The following FEZ1 variants were observed in gnomAD, a reference collection of about 807,000 sequenced individuals.
FEZ1 encodes the protein fasciculation and elongation protein zeta-1.
In FEZ1, 20 loss-of-function variants were observed where a neutral mutation model predicts 49.3. The ratio of observed to expected loss-of-function variants is 0.41; its 90% CI spans 0.29 to 0.59. FEZ1 has a LOEUF of 0.59. Among genes scored for constraint, FEZ1 ranks in the 20% least tolerant of loss-of-function variants. FEZ1 has a pLI of 0.36. For missense variants in FEZ1, 413 were observed against 476.0 expected, an observed-to-expected ratio of 0.87 and a Z score of 1.23; for synonymous variants, 170 against 180.9, an observed-to-expected ratio of 0.94 and a Z score of 0.48.
chr11:125,484,633 A>G (rs1287153602), intron 2 of FEZ1, among the ~76,000 whole-genome samples: 1 of 150,118 alleles, frequency 6.7e-6, no homozygotes, highest in Non-Finnish European at 1.5e-5. Context: ...GCGCCATTGC[A>G]CTCCATCCTG....
At chr11:125,467,286 C>CTGTAA (rs1296248504) in intron 3 of FEZ1, among the ~76,000 whole-genome samples, 7 of 152,130 alleles carry the variant, frequency 4.6e-5, no homozygotes, top group Admixed American at 4.6e-4. Flanking sequence ...TCAAGCAATC[C>CTGTAA]TCCCACCTCA....
chr11:125,473,205 T>TAG (rs1175364701), intron 3 of FEZ1, among the ~76,000 whole-genome samples: 1 of 152,116 alleles, frequency 6.6e-6, no homozygotes, highest in African/African-American at 2.4e-5. Flanking sequence ...CATATATATA[T>TAG]CATTGAAACA....
chr11:125,476,344 G>GT (rs1793759419), intron 3 of FEZ1, among the ~76,000 whole-genome samples: 1 of 152,156 alleles, frequency 6.6e-6, no homozygotes, highest in Admixed American at 6.5e-5. Flanking sequence ...GAAGTTGTGT[G>GT]TATCTCAAGA....
rs951285327 is a variant in FEZ1, at chr11:125,454,076, G to A, written c.1020+54C>T. 7 of 1,313,972 alleles carry A rather than the reference G, an allele frequency of 5.3e-6. No individual in the cohort carries two copies. The Admixed American group carries it at 7.5e-5, about 14-fold the overall frequency. The allele number at this position is 1,313,972 out of a possible 1,614,324, so 81.4% of individuals were successfully genotyped here. ...CACTGTCCCCCTGCGTTGCTGGGGA[G>A]GCCAAGCTGCAGGAGTCTAGGAAGA... is the stretch of plus-strand genomic sequence containing the variant. On this transcript the variant is annotated intron_variant, in intron 7 of 9. Coordinates refer to ENST00000278919, the MANE Select transcript of FEZ1 (RefSeq NM_005103.5).
chr11:125,473,562 T>C (rs549816755), intron 3 of FEZ1, among the ~76,000 whole-genome samples: 16 of 152,284 alleles, frequency 1.1e-4, no homozygotes, highest in Admixed American at 9.2e-4. Flanking sequence ...CTCATACCTG[T>C]AATCCCAGCA....
At position 125,446,051 on chromosome 11, in the gene FEZ1, T is replaced by C. The variant is rs1301262950; in HGVS notation, c.*44A>G. On this transcript the variant is annotated 3_prime_UTR_variant, in exon 10 of 10. Coordinates refer to ENST00000278919, the MANE Select transcript of FEZ1 (RefSeq NM_005103.5). ...TGCAGTCCCTGTGATGGAATGACTC[T>C]TGCTCAGTGACCTCCTGCAGCGAGG... The C allele has an allele frequency of 1.3e-6, 2 of 1,597,208 alleles. No individual in the cohort carries two copies. Among genetic ancestry groups the C allele is most frequent in the Admixed American group, 1.7e-5 (1 of 59,986 alleles).
At chr11:125,451,894 C>G (rs937955920) in intron 8 of FEZ1, among the ~76,000 whole-genome samples, 1 of 152,210 alleles carries the variant, frequency 6.6e-6, no homozygotes, top group African/African-American at 2.4e-5. Flanking sequence ...CCCAAGAAAC[C>G]TTGCTTCTCA....
At chr11:125,456,267 G>A (rs940442403) in intron 5 of FEZ1, 161 bp from the exon 6 acceptor site, 11 of 662,412 alleles carry the variant, frequency 1.7e-5, no homozygotes, top group Non-Finnish European at 2.7e-5. Context: ...TTACGAGCAC[G>A]CCAGGAAGGC....
chr11:125,468,523 C>T (rs2135759286), intron 3 of FEZ1, among the ~76,000 whole-genome samples: 1 of 152,258 alleles, frequency 6.6e-6, no homozygotes, highest in East Asian at 1.9e-4. Context: ...TTCCTGTTTC[C>T]ATTTCTTTAT....
In FEZ1 at chr11:125,446,867, G is replaced by A. The variant is rs984279694; in HGVS notation, c.1163-756C>T. Among the ~76,000 whole-genome samples the A allele has an allele frequency of 4.0e-5, 6 of 151,806 alleles. No homozygotes were observed. In the South Asian group the frequency reaches 1.0e-3, roughly 26 times the overall value. ...TGATTTTTTTTTTAATTGAGACGCGGTCTCACCATGTTGCCCAGGCTGGAC... is the reference window on the plus strand; with the variant it reads ...TGATTTTTTTTTTAATTGAGACGCGATCTCACCATGTTGCCCAGGCTGGAC... On this transcript the variant is annotated intron_variant, in intron 9 of 9. Transcript: ENST00000278919.
chr11:125,463,616 A>C (rs1957095738), intron 3 of FEZ1, 46 bp from the exon 4 acceptor site: 4 of 1,169,608 alleles, frequency 3.4e-6, no homozygotes, highest in Non-Finnish European at 5.2e-6. Context: ...CCATCAGCAG[A>C]AGTGGGATTG....
At chr11:125,452,701 A>G in intron 7 of FEZ1, 1 of 356,076 alleles carries the variant, frequency 2.8e-6, no homozygotes, top group Non-Finnish European at 5.0e-6. Context: ...CTGAAAGCAG[A>G]GAATAAATCC....
intron 1 of FEZ1, among the ~76,000 whole-genome samples, chr11:125,490,453 C>G (rs1957370789): frequency 1.3e-5 from 2 of 152,230 alleles, no homozygotes; most frequent in South Asian, 4.1e-4. Flanking sequence ...CACTCTATTA[C>G]TACTTTCCAA....
chr11:125,493,422 GA>G lies in FEZ1; in HGVS notation c.-46+2698del, dbSNP rs1333552735. Reference sequence around the variant, plus strand: ...AGAAAGAAAGAAAGAAAGAAAGAAAGAAGGAAAGAAGGAAAGAAGGAAAGAA... The same window carrying G: ...AGAAAGAAAGAAAGAAAGAAAGAAAGAGGAAAGAAGGAAAGAAGGAAAGAA... On this transcript the variant is annotated intron_variant, in intron 1 of 9. Coordinates refer to ENST00000278919, the MANE Select transcript of FEZ1 (RefSeq NM_005103.5). Among the ~76,000 whole-genome samples the G allele has an allele frequency of 1.2e-3, 45 of 37,626 alleles. 2 individuals are homozygous for G. The highest frequency in any genetic ancestry group is 6.5e-3 in the African/African-American group (44 of 6,788). 24.7% of individuals were successfully genotyped at this position (37,626 alleles called of 152,430 possible).
chr11:125,484,127 C>T (rs1309067908), intron 2 of FEZ1, among the ~76,000 whole-genome samples: 3 of 151,994 alleles, frequency 2.0e-5, no homozygotes, highest in African/African-American at 7.2e-5. Flanking sequence ...AGTTGTATAC[C>T]CTTTCCATAC....
chr11:125,460,347 G>T, intron 5 of FEZ1, 151 bp downstream of exon 5: 1 of 566,232 alleles, frequency 1.8e-6, no homozygotes, highest in Non-Finnish European at 2.9e-6. Context: ...TCCTGATGCC[G>T]AGTAAGAAAG....
rs1591588118 is a variant in FEZ1, at chr11:125,463,480, A to G, written c.498+4T>C. ...GTCCCGATAACCTGGAGAGATACTT[A>G]TACCTGATCTGCTGTGAGCAGAGGC... On this transcript the variant is annotated splice_donor_region_variant and intron_variant, in intron 4 of 9. Transcript: ENST00000278919. 4 of 1,566,298 alleles carry G rather than the reference A, an allele frequency of 2.6e-6. No individual in the cohort carries two copies. Among genetic ancestry groups the G allele is most frequent in the Non-Finnish European group, 3.5e-6 (4 of 1,136,574 alleles).
intron 3 of FEZ1, among the ~76,000 whole-genome samples, chr11:125,472,825 T>C (rs1565538955): frequency 6.6e-6 from 1 of 152,104 alleles, no homozygotes; most frequent in Admixed American, 6.5e-5. Context: ...ATATCATAAC[T>C]AAGTGGGGTT....
intron 3 of FEZ1, among the ~76,000 whole-genome samples, chr11:125,473,276 C>A (rs187143333): frequency 1.3e-5 from 2 of 152,218 alleles, no homozygotes; most frequent in Admixed American, 6.5e-5. Flanking sequence ...AACAAAGATG[C>A]CAAAACAATT....
Sources: allele counts gnomAD v4.1 joint callset (sites outside exome capture counted in the v4.1 genomes callset), GRCh38; gene constraint gnomAD v4.1.1; transcripts MANE v1.5; gene names NCBI Gene and HGNC (gene_info 2026-07-23, HGNC 2026-07-21).